Variants in RPTOR observed in about 807,000 individuals in gnomAD.
RPTOR encodes regulatory-associated protein of mTOR.
Under a neutral mutation model 169.9 loss-of-function variants are expected in RPTOR, and 21 were observed. The observed-to-expected ratio is 0.12, with a 90% CI of 0.09 to 0.18. The LOEUF is 0.18. RPTOR is among the 10% of genes least tolerant of loss of function. The pLI, the probability that RPTOR is intolerant of heterozygous loss-of-function variation, is 1.00. For missense variants in RPTOR, 1,133 were observed against 1,855.9 expected (o/e 0.61, Z 7.16); for synonymous variants, 732 against 753.2 (o/e 0.97, Z 0.46).
chr17:80,785,949 C>T (rs2066986730), intron 6 of RPTOR, among the ~76,000 whole-genome samples: 1 of 152,150 alleles, frequency 6.6e-6, no homozygotes, highest in African/African-American at 2.4e-5. Context: ...ACCTTCTAAC[C>T]GGGAAGCTCT....
chr17:80,556,137 A>G (rs985417555), intron 1 of RPTOR, among the ~76,000 whole-genome samples: 10 of 151,654 alleles, frequency 6.6e-5, no homozygotes, highest in Non-Finnish European at 7.4e-5. Context: ...ATGTGGCCAC[A>G]CAGCCACCGT....
intron 7 of RPTOR, among the ~76,000 whole-genome samples, chr17:80,809,285 G>A (rs773701876): frequency 3.3e-5 from 5 of 152,106 alleles, no homozygotes; most frequent in Admixed American, 3.3e-4. Context: ...TCCGCCTCCC[G>A]GGTTCCTGCA....
intron 6 of RPTOR, among the ~76,000 whole-genome samples, chr17:80,778,272 T>C (rs1176562207): frequency 2.0e-5 from 3 of 152,174 alleles, no homozygotes; most frequent in Non-Finnish European, 4.4e-5. Flanking sequence ...GATAGAAAAT[T>C]AACCTCCTTC....
chr17:80,940,014 T>G (rs1455813627), intron 24 of RPTOR, among the ~76,000 whole-genome samples: 1 of 152,140 alleles, frequency 6.6e-6, no homozygotes, highest in African/African-American at 2.4e-5. Context: ...CGATGTGTTT[T>G]GTAGCAGACA....
chr17:80,956,279 G>C (rs944054349), intron 28 of RPTOR, among the ~76,000 whole-genome samples: 6 of 152,204 alleles, frequency 3.9e-5, no homozygotes, highest in African/African-American at 1.4e-4. Context: ...GAGCTGAGTG[G>C]TGGGTACAAG....
At chr17:80,791,882 T>C (rs2067052248) in intron 7 of RPTOR, among the ~76,000 whole-genome samples, 1 of 152,166 alleles carries the variant, frequency 6.6e-6, no homozygotes, top group African/African-American at 2.4e-5. Flanking sequence ...ACTGTCCCTT[T>C]AATATTCTGT....
In RPTOR at chr17:80,596,432, A is replaced by T. The variant is rs980014227; in HGVS notation, c.163-29259A>T. Reference sequence around the variant, plus strand: ...ACTATTAGGTTCGACTTTTTTTTTTAAATGTTTATCTTAGTGGTGGGTCCT... The same window carrying T: ...ACTATTAGGTTCGACTTTTTTTTTTTAATGTTTATCTTAGTGGTGGGTCCT... On this transcript the variant is annotated intron_variant, in intron 1 of 33. Coordinates refer to ENST00000306801, the MANE Select transcript of RPTOR (RefSeq NM_020761.3). Among the ~76,000 whole-genome samples, 37 of 151,322 alleles carry T rather than the reference A, an allele frequency of 2.4e-4. No individual in the cohort carries two copies. In the South Asian group the frequency reaches 6.5e-3, roughly 26 times the overall value.
intron 6 of RPTOR, among the ~76,000 whole-genome samples, chr17:80,787,588 C>T (rs1369882938): frequency 1.3e-5 from 2 of 152,204 alleles, no homozygotes; most frequent in Non-Finnish European, 2.9e-5. Flanking sequence ...TTTAAGGGAT[C>T]ATGGTAAGGT....
At chr17:80,927,728 GTT>G (rs2068828894) in intron 24 of RPTOR, among the ~76,000 whole-genome samples, 8 of 21,340 alleles carry the variant, frequency 3.7e-4, no homozygotes, top group Admixed American at 3.3e-3. Flanking sequence ...GTGTCTGTGT[GTT>G]TCTGTGTGTC....
Position 80,634,694 on chromosome 17 carries a change from C to CGTACTGT in RPTOR, c.265+8903_265+8904insACTGTGT, listed in dbSNP as rs2065487028. 2.7e-4 allele frequency among the ~76,000 whole-genome samples: 6 copies of CGTACTGT among 22,258 alleles called. 1 individual carries two copies. The highest frequency in any genetic ancestry group is 1.1e-3 in the African/African-American group (6 of 5,532). The allele number at this position is 22,258 out of a possible 152,430, so 14.6% of individuals were successfully genotyped here. On this transcript the variant is annotated intron_variant, in intron 2 of 33. Coordinates refer to ENST00000306801, the MANE Select transcript of RPTOR (RefSeq NM_020761.3). ...GCGTACTGTGTGTGCGTACTGTGTG[C>CGTACTGT]GTGTGCGTACTGTGTGTGTGCGTAC...
At chr17:80,821,784 T>G (rs1271524171) in intron 7 of RPTOR, among the ~76,000 whole-genome samples, 2 of 152,136 alleles carry the variant, frequency 1.3e-5, no homozygotes, top group African/African-American at 2.4e-5. Context: ...CGGGCGAGAC[T>G]CCTCCCAGCA....
intron 3 of RPTOR, among the ~76,000 whole-genome samples, chr17:80,693,953 C>CG (rs1555608141): frequency 6.6e-6 from 1 of 152,196 alleles, no homozygotes; most frequent in Non-Finnish European, 1.5e-5. Context: ...TTGCTCCTGG[C>CG]GGCCGATGCT....
intron 1 of RPTOR, among the ~76,000 whole-genome samples, chr17:80,597,957 T>C (rs2065156230): frequency 6.6e-6 from 1 of 152,084 alleles, no homozygotes; most frequent in South Asian, 2.1e-4. Flanking sequence ...CTGGGCCACA[T>C]AGTGAAATGC....
At chr17:80,654,607 T>C (rs530922074) in intron 3 of RPTOR, among the ~76,000 whole-genome samples, 4 of 152,012 alleles carry the variant, frequency 2.6e-5, no homozygotes, top group African/African-American at 9.7e-5. Flanking sequence ...TAAGGAAGAG[T>C]CTCTTCTAAA....
In RPTOR at chr17:80,860,688, T is replaced by C. The variant is rs1414392417; in HGVS notation, c.1509+2788T>C. Among the ~76,000 whole-genome samples the C allele has an allele frequency of 2.0e-5, 3 of 152,098 alleles. No individual in the cohort carries two copies. Among genetic ancestry groups the C allele is most frequent in the African/African-American group, 7.2e-5 (3 of 41,412 alleles). ...CTCTCGCTGGTTCCGCTGATTCTTG[T>C]AGATTCCCTGGGATTTTCTGCTAGT... On this transcript the variant is annotated intron_variant, in intron 13 of 33. Transcript: ENST00000306801. This position sits in a 1 kb window ranked among gnomAD's most constrained non-coding sequence, Gnocchi z 5.8.
chr17:80,745,483 T>G (rs1054011399), intron 5 of RPTOR, among the ~76,000 whole-genome samples: 1 of 151,192 alleles, frequency 6.6e-6, no homozygotes, highest in Non-Finnish European at 1.5e-5. Context: ...AATCTAATAT[T>G]TGATATACAT....
At chr17:80,791,272 T>C (rs527722799) in intron 6 of RPTOR, among the ~76,000 whole-genome samples, 178 bp from the exon 7 acceptor site, 1 of 152,192 alleles carries the variant, frequency 6.6e-6, no homozygotes, top group East Asian at 1.9e-4. Flanking sequence ...CTTGACAGAA[T>C]GGCAATGAGA....
chr17:80,690,786 G>T (rs2065984764), intron 3 of RPTOR, among the ~76,000 whole-genome samples: 1 of 152,080 alleles, frequency 6.6e-6, no homozygotes, highest in South Asian at 2.1e-4. Context: ...TGAAAAGATG[G>T]TGTTATTGTT....
chr17:80,606,546 GT>G (rs1002665774), intron 1 of RPTOR, among the ~76,000 whole-genome samples: 1 of 152,088 alleles, frequency 6.6e-6, no homozygotes, highest in African/African-American at 2.4e-5. Flanking sequence ...GTGATTGACA[GT>G]TTTTTCCCAC....
Sources: allele counts gnomAD v4.1 joint callset (sites outside exome capture counted in the v4.1 genomes callset), GRCh38; gene constraint gnomAD v4.1.1; non-coding constraint Gnocchi (gnomAD v3.1); transcripts MANE v1.5; gene names NCBI Gene and HGNC (gene_info 2026-07-23, HGNC 2026-07-21).